The following DYNC2H1 variants were observed in gnomAD, a reference collection of about 807,000 sequenced individuals.
DYNC2H1 encodes cytoplasmic dynein 2 heavy chain 1.
In DYNC2H1, 410 loss-of-function variants were observed where a neutral mutation model predicts 570.0. The ratio of observed to expected loss-of-function variants is 0.72; its 90% CI spans 0.66 to 0.78. DYNC2H1 has a LOEUF of 0.78. DYNC2H1 is among the 30% of genes least tolerant of loss of function. The pLI is 0.00. For synonymous variants in DYNC2H1, 1,688 were observed against 1,677.6 expected (o/e 1.01, Z -0.15); for missense variants, 4,865 against 5,046.4 (o/e 0.96, Z 1.09).
chr11:103,196,607 A>G (rs672787), intron 47 of DYNC2H1, among the ~76,000 whole-genome samples: 90,986 of 151,952 alleles, frequency 0.6, 27,538 homozygotes, highest in Admixed American at 0.69. Context: ...AGATTAAATG[A>G]TTCGGGGAGA....
At chr11:103,190,006 T>A (rs959319037) in intron 45 of DYNC2H1, among the ~76,000 whole-genome samples, 190 bp downstream of exon 45, 2 of 152,214 alleles carry the variant, frequency 1.3e-5, no homozygotes, top group African/African-American at 2.4e-5. Flanking sequence ...GCACAGTTTC[T>A]AATAGGCACT....
At chr11:103,349,382 G>A (rs2671353) in intron 82 of DYNC2H1, among the ~76,000 whole-genome samples, 72,950 of 151,704 alleles carry the variant, frequency 0.48, 19,406 homozygotes, top group Admixed American at 0.59. Context: ...TATATGTTCC[G>A]TGTGTCTTAT....
rs190709496 is a variant in DYNC2H1 at position 103,372,189 on chromosome 11, C to T, written c.12156+13830C>T. Among the ~76,000 whole-genome samples the T allele has an allele frequency of 2.0e-5, 3 of 151,516 alleles. No homozygotes were observed. In the East Asian group the frequency reaches 5.8e-4, roughly 30 times the overall value. On this transcript the variant is annotated intron_variant, in intron 83 of 88. Transcript: ENST00000375735. ...GAGTAGCTGGGATGCACCACCATGC[C>T]TGTCTAATTTTTGTATTTCTAGTTT...
intron 65 of DYNC2H1, among the ~76,000 whole-genome samples, chr11:103,251,124 A>T (rs1448545163): frequency 6.6e-6 from 1 of 152,076 alleles, no homozygotes; most frequent in Non-Finnish European, 1.5e-5. Context: ...ATTGAGATAA[A>T]TATCCTAAAG....
chr11:103,375,720 A>G (rs1941364841), intron 83 of DYNC2H1, among the ~76,000 whole-genome samples: 1 of 152,162 alleles, frequency 6.6e-6, no homozygotes, highest in South Asian at 2.1e-4. Context: ...TGTAGTAGCC[A>G]GTGTCTGTAC....
At position 103,257,750 on chromosome 11, in the gene DYNC2H1, A is replaced by T; in HGVS notation, c.10604A>T (p.Gln3535Leu). ...TTCCAACGAGCTCTACAAAACAAAC[A>T]GGTAAGCTGTTGGATACCCTGTACC... is the stretch of plus-strand genomic sequence containing the variant. ...RLFQRALQNK[Q>L]DSENTEQRIQ... Residue 3535 changes from glutamine to leucine, a missense_variant and splice_region_variant, in exon 69 of 89, where the codon CAG (glutamine) becomes CTG (leucine). Around this residue, in one of 5 missense-constraint regions of DYNC2H1, gnomAD observed 2,401 missense variants for 2,454.6 expected, o/e 0.98. Coordinates refer to ENST00000375735, the MANE Select transcript of DYNC2H1 (RefSeq NM_001377.3). 6.3e-7 allele frequency: 1 copy of T among 1,586,494 alleles called. No individual in the cohort carries two copies. The highest frequency in any genetic ancestry group is 1.2e-5 in the South Asian group (1 of 86,478).
chr11:103,459,066 T>G (rs1052062336), intron 87 of DYNC2H1, among the ~76,000 whole-genome samples: 7 of 151,482 alleles, frequency 4.6e-5, no homozygotes, highest in Non-Finnish European at 7.4e-5. Context: ...TCCCAGCACT[T>G]TGGGAGGCCG....
At chr11:103,161,888 T>C (rs1054095362) in intron 29 of DYNC2H1, among the ~76,000 whole-genome samples, 2 of 152,208 alleles carry the variant, frequency 1.3e-5, no homozygotes, top group African/African-American at 4.8e-5. Flanking sequence ...AATTTCAAAT[T>C]ATCTTCCACC....
intron 85 of DYNC2H1, among the ~76,000 whole-genome samples, chr11:103,445,702 G>T (rs984215590): frequency 6.6e-6 from 1 of 152,084 alleles, no homozygotes; most frequent in Non-Finnish European, 1.5e-5. Context: ...CCCAGGCTGG[G>T]GTGCAGTGGC....
chr11:103,161,112 A>G (rs1861074414), intron 29 of DYNC2H1, 68 bp downstream of exon 29: 1 of 844,194 alleles, frequency 1.2e-6, no homozygotes, highest in African/African-American at 1.8e-5. Context: ...TGTCTAAAAT[A>G]ATTTAGTCAA....
At chr11:103,291,449 A>AAATAAAT (rs1334717340) in intron 75 of DYNC2H1, among the ~76,000 whole-genome samples, 12 of 152,016 alleles carry the variant, frequency 7.9e-5, no homozygotes, top group African/African-American at 2.4e-4. Flanking sequence ...ATAAATAAAT[A>AAATAAAT]AATAAATAAA....
At chr11:103,238,007 A>G (rs997909577) in intron 63 of DYNC2H1, among the ~76,000 whole-genome samples, 1 of 152,106 alleles carries the variant, frequency 6.6e-6, no homozygotes, top group African/African-American at 2.4e-5. Context: ...CATTGGAAAC[A>G]TTTCTTAGGG....
chr11:103,300,797 T>C (rs527727147), intron 75 of DYNC2H1, among the ~76,000 whole-genome samples: 1 of 152,124 alleles, frequency 6.6e-6, no homozygotes, highest in South Asian at 2.1e-4. Flanking sequence ...GTTTACAGTG[T>C]ACATTGGTTA....
At position 103,233,832 on chromosome 11, in the gene DYNC2H1, G is replaced by A. The variant is rs2915257; in HGVS notation, c.9441-202G>A. ...TGAGGTAGAGAATGCTACACTTTAT[G>A]TGTGTGTGTGTGTGTGTGTGTGTGT... On this transcript the variant is annotated intron_variant, in intron 60 of 88. Transcript: ENST00000375735. Among the ~76,000 whole-genome samples the A allele has an allele frequency of 0.81, 109,033 of 135,044 alleles. 41,928 individuals carry two copies. Among genetic ancestry groups the A allele is most frequent in the Admixed American group, 0.85 (11,895 of 13,966 alleles). 88.6% of individuals were successfully genotyped at this position (135,044 alleles called of 152,430 possible). A position where few individuals can be genotyped will look rare whatever the true frequency, so the allele number is the denominator to read the frequency against.
intron 82 of DYNC2H1, among the ~76,000 whole-genome samples, chr11:103,337,556 C>G (rs991746098): frequency 1.4e-4 from 21 of 152,058 alleles, no homozygotes; most frequent in Non-Finnish European, 2.5e-4. Context: ...TATTTTTTGT[C>G]TTTTTGATAA....
Position 103,228,279 on chromosome 11 carries a change from A to G in DYNC2H1, c.9354-2981A>G, listed in dbSNP as rs1467676600. 6.6e-6 allele frequency among the ~76,000 whole-genome samples: 1 copy of G among 152,248 alleles called. No individual in the cohort carries two copies. Among genetic ancestry groups the G allele is most frequent in the East Asian group, 1.9e-4 (1 of 5,182 alleles). Reference sequence around the variant, plus strand: ...AAGAACCTTGTTTTGTCATATTACCACAATTGTTTTTCTGGTTCCTTCTCA... The same window carrying G: ...AAGAACCTTGTTTTGTCATATTACCGCAATTGTTTTTCTGGTTCCTTCTCA... On this transcript the variant is annotated intron_variant, in intron 59 of 88. Coordinates refer to ENST00000375735, the MANE Select transcript of DYNC2H1 (RefSeq NM_001377.3). The surrounding 1 kb of genome is among the most constrained non-coding windows in gnomAD (Gnocchi z 6.1).
In DYNC2H1 at chr11:103,170,032, C is replaced by T. The variant is rs1423412546; in HGVS notation, c.4969-76C>T. The T allele has an allele frequency of 3.1e-6, 4 of 1,278,410 alleles. No individual in the cohort carries two copies. The highest frequency in any genetic ancestry group is 4.1e-6 in the Non-Finnish European group (4 of 965,786). 79.2% of individuals were successfully genotyped at this position (1,278,410 alleles called of 1,614,324 possible). ...TGTTGCATTTTTATCTTTTTAACTA[C>T]AATCTCATGCTGTAAAAATATTTGT... On this transcript the variant is annotated intron_variant, in intron 32 of 88. Transcript: ENST00000375735. This position sits in a 1 kb window ranked among gnomAD's most constrained non-coding sequence, Gnocchi z 4.8.
chr11:103,115,471 T>TA (rs1858339373), intron 4 of DYNC2H1, among the ~76,000 whole-genome samples, 176 bp downstream of exon 4: 3 of 152,152 alleles, frequency 2.0e-5, no homozygotes, highest in African/African-American at 7.2e-5. Context: ...ATCCAAAACT[T>TA]AAATTCTAAT....
At chr11:103,198,187 C>G (rs1361698708) in intron 48 of DYNC2H1, 124 bp downstream of exon 48, 6 of 1,152,040 alleles carry the variant, frequency 5.2e-6, no homozygotes, top group African/African-American at 3.1e-5. Flanking sequence ...TGGTTCTTAT[C>G]TTTTGGAATT....
Sources: gnomAD v4.1 joint callset for allele counts (sites outside exome capture counted in the v4.1 genomes callset) on GRCh38, gnomAD v4.1.1 for gene constraint, gnomAD v4.1.1 regional missense constraint, Gnocchi (gnomAD v3.1) non-coding constraint, MANE v1.5 for transcripts, NCBI Gene and HGNC (gene_info 2026-07-23, HGNC 2026-07-21) for gene names.